Variants in ARB2A observed in about 807,000 individuals in gnomAD.
The protein encoded by ARB2A is ARB2 cotranscriptional regulator A.
chr5:94,072,291 G>A, the ARB2A span, among the ~76,000 whole-genome samples: 1 of 151,944 alleles, frequency 6.6e-6, no homozygotes, highest in Non-Finnish European at 1.5e-5. Flanking sequence ...TCTGTATCTT[G>A]AATGTTTGTG....
chr5:93,955,217 GC>G, the ARB2A span, among the ~76,000 whole-genome samples: 1 of 152,030 alleles, frequency 6.6e-6, no homozygotes, highest in Non-Finnish European at 1.5e-5. Flanking sequence ...TTTGGTGAAG[GC>G]TTCTATTTAG....
chr5:93,855,841 T>A, the ARB2A span, among the ~76,000 whole-genome samples: 10 of 151,252 alleles, frequency 6.6e-5, no homozygotes, highest in Non-Finnish European at 1.3e-4. Context: ...AGACCAAAAG[T>A]AGATAAAACC....
At chr5:93,733,941 G>C in the ARB2A span, 1 of 152,102 alleles carries the variant, frequency 6.6e-6, no homozygotes, top group Admixed American at 6.6e-5. Flanking sequence ...TAGAAGAAAG[G>C]CATAAACAAA....
chr5:94,104,110 AAAAGT>A, the ARB2A span, among the ~76,000 whole-genome samples: 2 of 151,794 alleles, frequency 1.3e-5, no homozygotes, highest in East Asian at 1.9e-4. Flanking sequence ...CAAAAAAAAA[AAAAGT>A]AAACTAACCC....
the ARB2A span, among the ~76,000 whole-genome samples, chr5:93,820,811 T>C: frequency 6.6e-6 from 1 of 152,154 alleles, no homozygotes; most frequent in Non-Finnish European, 1.5e-5. Flanking sequence ...AGGGTTGTCT[T>C]ATCAAAATTT....
chr5:93,926,418 C>A, the ARB2A span, among the ~76,000 whole-genome samples: 1 of 152,118 alleles, frequency 6.6e-6, no homozygotes, highest in Non-Finnish European at 1.5e-5. Context: ...TAGGCATGAG[C>A]CACCGTGCCC....
chr5:94,052,182 T>C, the ARB2A span, among the ~76,000 whole-genome samples: 1 of 152,172 alleles, frequency 6.6e-6, no homozygotes. Flanking sequence ...ACGAAGCCAC[T>C]TGTCTCCTGG....
the ARB2A span, chr5:93,741,586 G>A: frequency 4.0e-6 from 6 of 1,494,086 alleles, no homozygotes; most frequent in Admixed American, 1.4e-4. Flanking sequence ...ACCCGCAGCG[G>A]CTCTGGTAGG....
the ARB2A span, among the ~76,000 whole-genome samples, chr5:93,705,651 GTATATATATA>G: frequency 7.5e-6 from 1 of 132,872 alleles, no homozygotes; most frequent in African/African-American, 2.9e-5. Flanking sequence ...GTGTGTGTGT[GTATATATATA>G]TATATATGTA....
At chr5:93,762,221 G>C in the ARB2A span, among the ~76,000 whole-genome samples, 1 of 152,210 alleles carries the variant, frequency 6.6e-6, no homozygotes, top group Admixed American at 6.5e-5. Flanking sequence ...GATGAGTTGA[G>C]AGAAGAAGGC....
the ARB2A span, among the ~76,000 whole-genome samples, chr5:93,946,902 T>C: frequency 6.6e-6 from 1 of 152,226 alleles, no homozygotes; most frequent in East Asian, 1.9e-4. Context: ...CAGCCACTAA[T>C]ACATGCTTTT....
At chr5:94,016,676 G>C in the ARB2A span, among the ~76,000 whole-genome samples, 1 of 152,160 alleles carries the variant, frequency 6.6e-6, no homozygotes, top group Non-Finnish European at 1.5e-5. Flanking sequence ...GCAATTAAGG[G>C]AGCTCTTTTT....
chr5:93,796,100 A>G, the ARB2A span, among the ~76,000 whole-genome samples: 1 of 152,250 alleles, frequency 6.6e-6, no homozygotes, highest in Non-Finnish European at 1.5e-5. Context: ...AAGGATAAGT[A>G]TGGACAGAGA....
the ARB2A span, among the ~76,000 whole-genome samples, chr5:93,746,340 T>C: frequency 1.3e-5 from 2 of 152,338 alleles, no homozygotes; most frequent in African/African-American, 4.8e-5. Flanking sequence ...CTATTTTTTA[T>C]AGGAGATAAC....
chr5:93,665,019 G>A, the ARB2A span, among the ~76,000 whole-genome samples: 392 of 152,190 alleles, frequency 2.6e-3, 3 homozygotes, highest in Admixed American at 8.0e-3. Flanking sequence ...TAGAGACAGA[G>A]TTTTGCCATG....
At chr5:94,053,225 A>T in the ARB2A span, 1 of 1,453,952 alleles carries the variant, frequency 6.9e-7, no homozygotes. Flanking sequence ...CTAGATAATA[A>T]ATCTAGAAAA....
At chr5:93,812,919 G>A in the ARB2A span, among the ~76,000 whole-genome samples, 1 of 152,162 alleles carries the variant, frequency 6.6e-6, no homozygotes, top group Non-Finnish European at 1.5e-5. Context: ...TTTAGAAGAG[G>A]CCATGAGGAT....
At chr5:94,026,469 T>C in the ARB2A span, among the ~76,000 whole-genome samples, 400 of 152,228 alleles carry the variant, frequency 2.6e-3, 2 homozygotes, top group South Asian at 0.013. Context: ...GACATGAGGA[T>C]GATTTTTCTC....
At chr5:93,641,199 C>CAA in the ARB2A span, among the ~76,000 whole-genome samples, 2 of 101,034 alleles carry the variant, frequency 2.0e-5, no homozygotes, top group Non-Finnish European at 2.1e-5. Context: ...GATTCTGACT[C>CAA]AAAAAAAAAA....
Sources: allele counts gnomAD v4.1 joint callset (sites outside exome capture counted in the v4.1 genomes callset), GRCh38; gene constraint gnomAD v4.1.1; transcripts MANE v1.5; gene names NCBI Gene and HGNC (gene_info 2026-07-23, HGNC 2026-07-21).